Variants in CLNK observed in about 807,000 individuals in gnomAD.
CLNK encodes cytokine dependent hematopoietic cell linker.
CLNK carries 74 observed loss-of-function variants against 68.6 expected under a neutral mutation model. The observed-to-expected ratio is 1.08, with a 90% CI of 0.89 to 1.31. The LOEUF (loss-of-function observed/expected upper bound fraction) is 1.31. Among genes scored for constraint, CLNK ranks in the 50% most tolerant of loss-of-function variants. The probability of loss-of-function intolerance (pLI) is 0.00; values close to 1 mark genes in which losing one functional copy is unlikely to be tolerated. For missense variants in CLNK, 553 were observed against 515.3 expected, an observed-to-expected ratio of 1.07 and a Z score of -0.71; for synonymous variants, 198 against 172.2, an observed-to-expected ratio of 1.15 and a Z score of -1.17.
chr4:10,542,654 G>GTA (rs1263825435), intron 8 of CLNK, among the ~76,000 whole-genome samples: 3 of 144,836 alleles, frequency 2.1e-5, no homozygotes, highest in African/African-American at 8.0e-5. Context: ...GTGTGTGTGT[G>GTA]TATGTGTGTG....
intron 1 of CLNK, among the ~76,000 whole-genome samples, chr4:10,680,701 C>T (rs1393122832): frequency 6.6e-6 from 1 of 152,132 alleles, no homozygotes; most frequent in East Asian, 1.9e-4. Context: ...TCTCATTTCT[C>T]ACCACAAATT....
At chr4:10,699,512 A>ATTTTTTTTTT in the CLNK span, among the ~76,000 whole-genome samples, 6 of 32,762 alleles carry the variant, frequency 1.8e-4, no homozygotes, top group Non-Finnish European at 2.8e-4. Context: ...ATATATATAT[A>ATTTTTTTTTT]TTTTTTTTTT....
chr4:10,607,683 C>T (rs1252508816), intron 2 of CLNK, among the ~76,000 whole-genome samples: 3 of 152,134 alleles, frequency 2.0e-5, no homozygotes, highest in Non-Finnish European at 4.4e-5. Context: ...GGACCTTGCT[C>T]AGAGGGTCCT....
At chr4:10,623,691 T>C (rs1722547821) in intron 2 of CLNK, among the ~76,000 whole-genome samples, 1 of 152,274 alleles carries the variant, frequency 6.6e-6, no homozygotes, top group Admixed American at 6.5e-5. Flanking sequence ...ACACAGGTGA[T>C]AAAATACTTA....
intron 4 of CLNK, among the ~76,000 whole-genome samples, chr4:10,577,845 T>G (rs1720627046): frequency 6.6e-6 from 1 of 152,114 alleles, no homozygotes; most frequent in Admixed American, 6.5e-5. Context: ...CTTGCAGCCT[T>G]TGATGTTTTA....
intron 3 of CLNK, among the ~76,000 whole-genome samples, chr4:10,592,715 G>A (rs201790652): frequency 1.1e-4 from 16 of 146,394 alleles, no homozygotes; most frequent in African/African-American, 3.0e-4. Context: ...TTGTTTGTTT[G>A]TTTATTTATT....
intron 18 of CLNK, among the ~76,000 whole-genome samples, chr4:10,495,062 CAGG>C (rs547276768): frequency 4.1e-4 from 62 of 151,762 alleles, no homozygotes; most frequent in African/African-American, 1.4e-3. Context: ...GCCAAGCAAG[CAGG>C]AGGAGAAGGA....
chr4:10,561,842 T>C (rs1482619370), intron 7 of CLNK, among the ~76,000 whole-genome samples: 1 of 151,972 alleles, frequency 6.6e-6, no homozygotes, highest in Non-Finnish European at 1.5e-5. Flanking sequence ...GGGGAAAGAC[T>C]CGGTCTCTTT....
the CLNK span, among the ~76,000 whole-genome samples, chr4:10,725,237 G>A: frequency 2.1e-5 from 3 of 146,112 alleles, no homozygotes; most frequent in Non-Finnish European, 4.6e-5. Context: ...TGCCTTGACT[G>A]GAGCACACCC....
intron 1 of CLNK, among the ~76,000 whole-genome samples, chr4:10,683,967 G>C (rs1560278666): frequency 6.6e-6 from 1 of 152,106 alleles, no homozygotes; most frequent in Non-Finnish European, 1.5e-5. Flanking sequence ...TTGATAAAAA[G>C]TTCAGGCATA....
chr4:10,627,326 T>C lies in CLNK; in HGVS notation c.12-29277A>G, dbSNP rs754325167. Among the ~76,000 whole-genome samples, 10 of 152,278 alleles carry C rather than the reference T, an allele frequency of 6.6e-5. 1 individual carries two copies. Among genetic ancestry groups the C allele is most frequent in the Middle Eastern group, 6.8e-3 (2 of 294 alleles). On this transcript the variant is annotated intron_variant, in intron 2 of 18. Transcript: ENST00000226951. ...AAAGCCTGGCCCTGCACCAGGACTT[T>C]AGAGCCTCAACAAAATGAGAATTGT...
At chr4:10,605,452 T>C (rs1385588871) in intron 2 of CLNK, among the ~76,000 whole-genome samples, 2 of 152,202 alleles carry the variant, frequency 1.3e-5, no homozygotes, top group East Asian at 3.9e-4. Flanking sequence ...CTGTAGGCAA[T>C]TGTAACACAA....
At chr4:10,664,661 C>T (rs902808049) in intron 2 of CLNK, among the ~76,000 whole-genome samples, 2 of 152,204 alleles carry the variant, frequency 1.3e-5, no homozygotes, top group Non-Finnish European at 2.9e-5. Context: ...CTCAGCATGC[C>T]TGGGCTGGGC....
chr4:10,569,503 C>T (rs1720259334), intron 5 of CLNK, among the ~76,000 whole-genome samples: 1 of 152,184 alleles, frequency 6.6e-6, no homozygotes, highest in South Asian at 2.1e-4. Flanking sequence ...TTCTGGTCTT[C>T]AGAGTCATGA....
At chr4:10,551,725 C>T (rs1719467793) in intron 8 of CLNK, among the ~76,000 whole-genome samples, 1 of 152,138 alleles carries the variant, frequency 6.6e-6, no homozygotes, top group Admixed American at 6.5e-5. Context: ...ACTAAATAGC[C>T]AGCCCTAGTG....
chr4:10,496,105 G>T (rs920004993), intron 18 of CLNK, among the ~76,000 whole-genome samples: 1 of 152,046 alleles, frequency 6.6e-6, no homozygotes, highest in South Asian at 2.1e-4. Flanking sequence ...CTATGTGTCT[G>T]CCACTATTTA....
At chr4:10,492,993 T>C (rs1716645607) in intron 18 of CLNK, among the ~76,000 whole-genome samples, 1 of 152,158 alleles carries the variant, frequency 6.6e-6, no homozygotes, top group Non-Finnish European at 1.5e-5. Flanking sequence ...AGATAACCTA[T>C]GTGTCAGTCT....
rs3030347 is a variant in CLNK, at chr4:10,620,946, CA to C, written c.12-22898del. On this transcript the variant is annotated intron_variant, in intron 2 of 18. Transcript: ENST00000226951. ...TGAAGCCCCGTCTCTACTAAAAATACAAAAAAAAAAAAAATTAGCCCGGCGT... is the reference window on the plus strand; with the variant it reads ...TGAAGCCCCGTCTCTACTAAAAATACAAAAAAAAAAAAATTAGCCCGGCGT... 2.9e-3 allele frequency among the ~76,000 whole-genome samples: 417 copies of C among 143,746 alleles called. 1 individual carries two copies. Among genetic ancestry groups the C allele is most frequent in the African/African-American group, 6.4e-3 (246 of 38,558 alleles). 94.3% of individuals were successfully genotyped at this position (143,746 alleles called of 152,430 possible). A position where few individuals can be genotyped will look rare whatever the true frequency, so the allele number is the denominator to read the frequency against.
At chr4:10,704,777 G>T in the CLNK span, among the ~76,000 whole-genome samples, 1 of 152,210 alleles carries the variant, frequency 6.6e-6, no homozygotes, top group East Asian at 1.9e-4. Context: ...CACCTCTGAA[G>T]CTCAGAGCCC....
Sources: allele counts gnomAD v4.1 joint callset (sites outside exome capture counted in the v4.1 genomes callset), GRCh38; gene constraint gnomAD v4.1.1; transcripts MANE v1.5; gene names NCBI Gene and HGNC (gene_info 2026-07-23, HGNC 2026-07-21).